Variants in KATNA1 observed in about 807,000 individuals in gnomAD.
KATNA1 encodes the protein katanin catalytic subunit A1.
Under a neutral mutation model 62.6 loss-of-function variants are expected in KATNA1, and 42 were observed. The observed-to-expected ratio is 0.67, with a 90% CI of 0.52 to 0.87. The LOEUF (loss-of-function observed/expected upper bound fraction) is 0.87. KATNA1 is among the 40% of genes least tolerant of loss of function. The probability of loss-of-function intolerance (pLI) is 0.00; values close to 1 mark genes in which losing one functional copy is unlikely to be tolerated. For synonymous variants in KATNA1, 186 were observed against 201.9 expected (o/e 0.92, Z 0.67); for missense variants, 498 against 612.5 (o/e 0.81, Z 1.97).
intron 4 of KATNA1, among the ~76,000 whole-genome samples, chr6:149,605,646 G>GT (rs1778708154): frequency 1.3e-5 from 2 of 152,158 alleles, no homozygotes; most frequent in African/African-American, 4.8e-5. Context: ...TTGTGGGATA[G>GT]TTTAAATTTT....
chr6:149,623,325 A>G lies in KATNA1; in HGVS notation c.321-42T>C, dbSNP rs181305031. 408 of 1,426,446 alleles carry G rather than the reference A, an allele frequency of 2.9e-4. 5 individuals are homozygous for G. In the East Asian group the frequency reaches 8.1e-3, roughly 28 times the overall value. The allele number at this position is 1,426,446 out of a possible 1,614,324, so 88.4% of individuals were successfully genotyped here. Reference sequence around the variant, plus strand: ...TCATTAATATCATAATCAACTCCACATATGGATGAACACACATACTGTGTA... The same window carrying G: ...TCATTAATATCATAATCAACTCCACGTATGGATGAACACACATACTGTGTA... On this transcript the variant is annotated intron_variant, in intron 3 of 10. Transcript: ENST00000367411.
intron 3 of KATNA1, 124 bp downstream of exon 3, chr6:149,632,635 G>A: frequency 2.7e-6 from 2 of 727,310 alleles, no homozygotes; most frequent in Non-Finnish European, 4.4e-6. Context: ...TTATAAAAGA[G>A]AGAACGTTCA....
chr6:149,599,023 C>A (rs1778431567), intron 7 of KATNA1, among the ~76,000 whole-genome samples: 1 of 151,930 alleles, frequency 6.6e-6, no homozygotes, highest in African/African-American at 2.4e-5. Flanking sequence ...TGCCACCACA[C>A]CAGGCTTATT....
At chr6:149,608,311 C>T (rs1778816199) in intron 4 of KATNA1, among the ~76,000 whole-genome samples, 1 of 152,160 alleles carries the variant, frequency 6.6e-6, no homozygotes, top group Non-Finnish European at 1.5e-5. Context: ...GGAACTCAAA[C>T]ATGGTGTGAG....
intron 8 of KATNA1, 126 bp from the exon 9 acceptor site, chr6:149,597,767 C>A: frequency 3.6e-6 from 3 of 826,004 alleles, no homozygotes; most frequent in Non-Finnish European, 5.7e-6. Context: ...TTAATGCCTC[C>A]TTAAGACTTA....
intron 4 of KATNA1, among the ~76,000 whole-genome samples, chr6:149,609,268 GAA>G (rs1339384144): frequency 6.6e-6 from 1 of 151,628 alleles, no homozygotes; most frequent in Non-Finnish European, 1.5e-5. Context: ...TGAAAGCAAT[GAA>G]AGAATATCAA....
At chr6:149,618,456 T>C (rs1274872322) in intron 4 of KATNA1, among the ~76,000 whole-genome samples, 1 of 150,240 alleles carries the variant, frequency 6.7e-6, no homozygotes, top group East Asian at 1.9e-4. Context: ...CCAGACTGGG[T>C]GATAGAGCGA....
intron 4 of KATNA1, among the ~76,000 whole-genome samples, chr6:149,614,166 C>G (rs1254308928): frequency 6.6e-6 from 1 of 152,218 alleles, no homozygotes; most frequent in African/African-American, 2.4e-5. Flanking sequence ...TACACGTGCT[C>G]CTGGAGTAGT....
intron 2 of KATNA1, among the ~76,000 whole-genome samples, chr6:149,634,654 A>C (rs1262700836): frequency 6.6e-6 from 1 of 152,178 alleles, no homozygotes; most frequent in Non-Finnish European, 1.5e-5. Flanking sequence ...TACAGGTGTG[A>C]GCCACCATGC....
chr6:149,615,622 G>A (rs1157303271), intron 4 of KATNA1, among the ~76,000 whole-genome samples: 2 of 152,060 alleles, frequency 1.3e-5, no homozygotes, highest in Non-Finnish European at 2.9e-5. Flanking sequence ...AAGACAAACT[G>A]GCAGAACGGA....
chr6:149,596,685 T>C (rs1778327702), intron 10 of KATNA1, among the ~76,000 whole-genome samples: 4 of 152,034 alleles, frequency 2.6e-5, no homozygotes, highest in Admixed American at 2.0e-4. Flanking sequence ...GCGATCCTCC[T>C]GCCTCAGCTT....
intron 2 of KATNA1, among the ~76,000 whole-genome samples, chr6:149,633,373 C>T (rs1006305691): frequency 7.2e-5 from 11 of 152,076 alleles, no homozygotes; most frequent in African/African-American, 2.7e-4. Context: ...TCCCAAAATG[C>T]TGGGATTACA....
chr6:149,634,337 T>G (rs569769515), intron 2 of KATNA1, among the ~76,000 whole-genome samples: 12 of 121,500 alleles, frequency 9.9e-5, no homozygotes, highest in African/African-American at 4.4e-4. Flanking sequence ...CATAACAAAT[T>G]GAAAAGTTAG....
chr6:149,594,966 A>C lies in KATNA1; in HGVS notation c.*70T>G, dbSNP rs1778240251. ...GAAAGTTAAAAAAAATATAGCACTCAGTACAATGAATTACTGCATTTAATA... is the reference window on the plus strand; with the variant it reads ...GAAAGTTAAAAAAAATATAGCACTCCGTACAATGAATTACTGCATTTAATA... On this transcript the variant is annotated 3_prime_UTR_variant, in exon 11 of 11. Coordinates refer to ENST00000367411, the MANE Select transcript of KATNA1 (RefSeq NM_007044.4). 2.5e-6 allele frequency: 3 copies of C among 1,193,892 alleles called. No individual in the cohort carries two copies. Among genetic ancestry groups the C allele is most frequent in the African/African-American group, 1.5e-5 (1 of 66,286 alleles). The allele number at this position is 1,193,892 out of a possible 1,614,324, so 74.0% of individuals were successfully genotyped here. A position where few individuals can be genotyped will look rare whatever the true frequency, so the allele number is the denominator to read the frequency against.
intron 1 of KATNA1, among the ~76,000 whole-genome samples, chr6:149,645,506 C>T (rs1780453326): frequency 6.6e-6 from 1 of 150,726 alleles, no homozygotes; most frequent in African/African-American, 2.4e-5. Flanking sequence ...AGTGTAAGCA[C>T]CATGAACTAT....
chr6:149,641,820 G>A (rs1340553138), intron 1 of KATNA1, among the ~76,000 whole-genome samples: 2 of 152,192 alleles, frequency 1.3e-5, no homozygotes, highest in Non-Finnish European at 2.9e-5. Context: ...ATTCACAGAA[G>A]GGAAACCCAA....
chr6:149,635,326 G>A (rs889954268), intron 2 of KATNA1, among the ~76,000 whole-genome samples: 1 of 152,120 alleles, frequency 6.6e-6, no homozygotes, highest in African/African-American at 2.4e-5. Context: ...CTGTATTATA[G>A]TAATGGGTCT....
intron 3 of KATNA1, among the ~76,000 whole-genome samples, chr6:149,626,559 G>A (rs1419686604): frequency 6.6e-6 from 1 of 150,690 alleles, no homozygotes; most frequent in Non-Finnish European, 1.5e-5. Context: ...TGGGATTACA[G>A]GCGTGAGCCA....
At chr6:149,602,609 C>G (rs1412845263) in intron 6 of KATNA1, among the ~76,000 whole-genome samples, 2 of 152,046 alleles carry the variant, frequency 1.3e-5, no homozygotes, top group South Asian at 4.2e-4. Context: ...AGAACAATCC[C>G]CAAAATACAG....
Sources: allele counts gnomAD v4.1 joint callset (sites outside exome capture counted in the v4.1 genomes callset), GRCh38; gene constraint gnomAD v4.1.1; transcripts MANE v1.5; gene names NCBI Gene and HGNC (gene_info 2026-07-23, HGNC 2026-07-21).